XIRP2: variants seen among roughly 807,000 people sequenced by gnomAD.
The protein encoded by XIRP2 is xin actin-binding repeat-containing protein 2.
Under a neutral mutation model 277.0 loss-of-function variants are expected in XIRP2, and 236 were observed. The ratio of observed to expected loss-of-function variants is 0.85; its 90% CI spans 0.77 to 0.95. The LOEUF (loss-of-function observed/expected upper bound fraction) is 0.95, where lower values mean the gene tolerates loss of function less well. XIRP2 is among the 40% of genes least tolerant of loss of function. XIRP2 has a pLI of 0.00. For synonymous variants in XIRP2, 1,490 were observed against 1,416.5 expected (o/e 1.05, Z -1.17); for missense variants, 4,640 against 4,157.5 (o/e 1.12, Z -3.19).
chr2:167,014,030 C>T (rs1268470116), intron 2 of XIRP2, among the ~76,000 whole-genome samples: 2 of 151,026 alleles, frequency 1.3e-5, no homozygotes, highest in Admixed American at 6.6e-5. Context: ...CATAATTAAT[C>T]TGCTCATGAT....
At chr2:166,947,820 A>T (rs1685919205) in intron 2 of XIRP2, among the ~76,000 whole-genome samples, 1 of 152,174 alleles carries the variant, frequency 6.6e-6, no homozygotes, top group African/African-American at 2.4e-5. Flanking sequence ...GTTTATAAAA[A>T]CTTTATTCAT....
At position 167,248,942 on chromosome 2, in the gene XIRP2, C is replaced by T; in HGVS notation, c.7550C>T (p.Pro2517Leu). The T allele has an allele frequency of 7.4e-6, 12 of 1,613,732 alleles. No homozygotes were observed. The highest frequency in any genetic ancestry group is 9.3e-6 in the Non-Finnish European group (11 of 1,179,778). Residue 2517 changes from proline (P) to leucine (L), a missense_variant, in exon 9 of 11, where the codon CCT (proline) becomes CTT (leucine). Pro to Leu is a moderately conservative substitution (Grantham distance 98, BLOSUM62 -3). Coordinates refer to ENST00000409195, the MANE Select transcript of XIRP2 (RefSeq NM_152381.6). ...GCACCCAGGAAAAAACAGATTGCGC[C>T]TCTTATAAAATCTCATTCATTTCCA... Reference protein sequence around the residue: ...TSAPRKKQIAPLIKSHSFPES... With the variant: ...TSAPRKKQIALLIKSHSFPES...
intron 1 of XIRP2, among the ~76,000 whole-genome samples, chr2:166,898,069 G>A (rs184839091): frequency 3.9e-5 from 6 of 152,178 alleles, no homozygotes; most frequent in East Asian, 1.9e-4. Flanking sequence ...TCCTGGCCCA[G>A]GCTATAAGAT....
At chr2:167,043,685 C>T (rs1009812896) in intron 2 of XIRP2, among the ~76,000 whole-genome samples, 1 of 151,772 alleles carries the variant, frequency 6.6e-6, no homozygotes, top group Non-Finnish European at 1.5e-5. Flanking sequence ...TGTTCTGAAA[C>T]TGAATCGTTA....
At chr2:167,126,806 T>A (rs932398198) in intron 2 of XIRP2, among the ~76,000 whole-genome samples, 5 of 152,160 alleles carry the variant, frequency 3.3e-5, no homozygotes, top group Non-Finnish European at 7.3e-5. Flanking sequence ...TTTGATCACA[T>A]GTCCTGCTGT....
intron 3 of XIRP2, among the ~76,000 whole-genome samples, chr2:167,199,695 T>C (rs909943019): frequency 2.6e-5 from 4 of 152,202 alleles, no homozygotes; most frequent in African/African-American, 9.6e-5. Context: ...AGACTGAGCC[T>C]GCCTACCGTC....
At chr2:167,105,085 T>G (rs1690582011) in intron 2 of XIRP2, among the ~76,000 whole-genome samples, 1 of 152,032 alleles carries the variant, frequency 6.6e-6, no homozygotes, top group South Asian at 2.1e-4. Context: ...AGTAAGTTAG[T>G]TTTTTAATCA....
At chr2:167,015,392 C>T (rs1687792134) in intron 2 of XIRP2, among the ~76,000 whole-genome samples, 1 of 151,084 alleles carries the variant, frequency 6.6e-6, no homozygotes, top group Non-Finnish European at 1.5e-5. Flanking sequence ...GTACCTATCC[C>T]AAACACGATG....
chr2:167,037,365 A>G (rs1688536226), intron 2 of XIRP2, among the ~76,000 whole-genome samples: 1 of 152,164 alleles, frequency 6.6e-6, no homozygotes, highest in South Asian at 2.1e-4. Flanking sequence ...TTCAACTCAC[A>G]TAAGGCCAGT....
At chr2:166,938,412 A>C (rs1685583188) in intron 2 of XIRP2, among the ~76,000 whole-genome samples, 1 of 152,162 alleles carries the variant, frequency 6.6e-6, no homozygotes, top group Non-Finnish European at 1.5e-5. Flanking sequence ...GTTTTGAGTG[A>C]GTTTCTTAAT....
Position 167,250,689 on chromosome 2 carries a change from T to C in XIRP2, c.9297T>C (p.His3099=), listed in dbSNP as rs752683680. The C allele has an allele frequency of 1.9e-6, 3 of 1,613,470 alleles. No individual in the cohort carries two copies. The highest frequency in any genetic ancestry group is 2.2e-5 in the South Asian group (2 of 91,060). ...EATVRSHVKT[H]QEIKLDDSNI... is the part of the protein sequence containing the mutation. The stretch of plus-strand genomic sequence containing the variant: ...CTGTTCGTAGTCACGTGAAAACCCA[T>C]CAGGAAATTAAACTTGATGATAGCA... The change falls in exon 9 of 11, where the codon CAT becomes CAC. Residue 3099 remains histidine (H), a synonymous_variant. Coordinates refer to ENST00000409195, the MANE Select transcript of XIRP2 (RefSeq NM_152381.6).
chr2:166,906,727 C>T (rs114646458), intron 2 of XIRP2, among the ~76,000 whole-genome samples: 2 of 152,008 alleles, frequency 1.3e-5, no homozygotes, highest in African/African-American at 4.8e-5. Context: ...AAACCTGAGG[C>T]AGGAGAATCA....
intron 3 of XIRP2, among the ~76,000 whole-genome samples, chr2:167,197,400 T>C (rs184805795): frequency 6.1e-4 from 93 of 152,254 alleles, no homozygotes; most frequent in African/African-American, 2.2e-3. Context: ...ATTCAACAAA[T>C]GCTTAATGGG....
In XIRP2 at chr2:167,210,900, G is replaced by C. The variant is rs1268394957; in HGVS notation, c.723+5G>C. On this transcript the variant is annotated splice_donor_5th_base_variant and intron_variant, in intron 4 of 10. Coordinates refer to ENST00000409195, the MANE Select transcript of XIRP2 (RefSeq NM_152381.6). ...TGCCGCAGCTTCTCTGCTAATGTAAGCTGCTCCTAATGGTTTTGCACTAGG... is the reference window on the plus strand; with the variant it reads ...TGCCGCAGCTTCTCTGCTAATGTAACCTGCTCCTAATGGTTTTGCACTAGG... 2.5e-6 allele frequency: 4 copies of C among 1,613,870 alleles called. No individual in the cohort carries two copies. Among genetic ancestry groups the C allele is most frequent in the Non-Finnish European group, 3.4e-6 (4 of 1,179,886 alleles).
At chr2:167,174,120 T>C (rs1692772504) in intron 3 of XIRP2, among the ~76,000 whole-genome samples, 1 of 152,228 alleles carries the variant, frequency 6.6e-6, no homozygotes, top group African/African-American at 2.4e-5. Context: ...AAGATGATTC[T>C]GGCCTCATAA....
At chr2:166,956,098 T>G (rs899542217) in intron 2 of XIRP2, among the ~76,000 whole-genome samples, 3 of 151,334 alleles carry the variant, frequency 2.0e-5, no homozygotes, top group Non-Finnish European at 4.4e-5. Context: ...TTCCATGATC[T>G]TCTGAAAAAT....
chr2:167,137,607 A>G (rs1331643357), intron 3 of XIRP2, among the ~76,000 whole-genome samples: 1 of 152,164 alleles, frequency 6.6e-6, no homozygotes, highest in African/African-American at 2.4e-5. Flanking sequence ...AAAGGTTTTC[A>G]AAGGCCTTTT....
At chr2:167,065,059 A>G (rs962817199) in intron 2 of XIRP2, among the ~76,000 whole-genome samples, 1 of 152,026 alleles carries the variant, frequency 6.6e-6, no homozygotes, top group East Asian at 1.9e-4. Flanking sequence ...CTACATTTAC[A>G]GTTTTGAGGA....
chr2:166,966,453 T>A (rs574065678), intron 2 of XIRP2, among the ~76,000 whole-genome samples: 1 of 151,908 alleles, frequency 6.6e-6, no homozygotes, highest in African/African-American at 2.4e-5. Flanking sequence ...TATATTTGTT[T>A]TATATGTTTT....
Sources: allele counts gnomAD v4.1 joint callset (sites outside exome capture counted in the v4.1 genomes callset), GRCh38; gene constraint gnomAD v4.1.1; transcripts MANE v1.5; gene names NCBI Gene and HGNC (gene_info 2026-07-23, HGNC 2026-07-21).